Variants in CACNA2D3 observed in about 807,000 individuals in gnomAD.
The protein encoded by CACNA2D3 is calcium voltage-gated channel auxiliary subunit alpha2delta 3.
A neutral mutation model predicts 160.6 loss-of-function variants in CACNA2D3; 60 were observed. The observed-to-expected ratio is 0.37, with a 90% CI of 0.30 to 0.46. The LOEUF (loss-of-function observed/expected upper bound fraction) is 0.46, where lower values mean the gene tolerates loss of function less well. Among genes scored for constraint, CACNA2D3 ranks in the 20% least tolerant of loss-of-function variants. The pLI, the probability that CACNA2D3 is intolerant of heterozygous loss-of-function variation, is 1.00. For missense variants in CACNA2D3, 1,205 were observed against 1,365.0 expected, an observed-to-expected ratio of 0.88 and a Z score of 1.85; for synonymous variants, 558 against 492.9, an observed-to-expected ratio of 1.13 and a Z score of -1.75.
intron 2 of CACNA2D3, among the ~76,000 whole-genome samples, chr3:54,225,382 A>G (rs1291557172): frequency 6.6e-6 from 1 of 152,188 alleles, no homozygotes; most frequent in Non-Finnish European, 1.5e-5. Context: ...GTGTTTTTAA[A>G]AAGTGCTTCC....
intron 5 of CACNA2D3, among the ~76,000 whole-genome samples, chr3:54,518,125 G>A (rs915361016): frequency 6.6e-6 from 1 of 152,166 alleles, no homozygotes; most frequent in African/African-American, 2.4e-5. Context: ...GGCTGGGGAT[G>A]GGGGTGGAAT....
intron 31 of CACNA2D3, among the ~76,000 whole-genome samples, chr3:54,991,018 A>C (rs752513614): frequency 6.6e-6 from 1 of 152,098 alleles, no homozygotes; most frequent in East Asian, 1.9e-4. Flanking sequence ...TCACAGACCA[A>C]TAGGTTCAGC....
chr3:54,887,438 CAA>C (rs1559617630), intron 23 of CACNA2D3, among the ~76,000 whole-genome samples: 1 of 151,762 alleles, frequency 6.6e-6, no homozygotes, highest in African/African-American at 2.4e-5. Flanking sequence ...AAAAAATAAA[CAA>C]ATAAATAAAA....
intron 13 of CACNA2D3, among the ~76,000 whole-genome samples, chr3:54,804,014 T>C (rs963939015): frequency 6.6e-6 from 1 of 151,990 alleles, no homozygotes; most frequent in Non-Finnish European, 1.5e-5. Context: ...CTGAGAGATT[T>C]TGTCACCACC....
intron 2 of CACNA2D3, among the ~76,000 whole-genome samples, chr3:54,212,204 A>T (rs1352992514): frequency 2.0e-5 from 3 of 152,206 alleles, no homozygotes; most frequent in Admixed American, 6.5e-5. Context: ...TCCTGATGAC[A>T]TATGCCCAAG....
chr3:55,007,038 C>T (rs1703111550), intron 32 of CACNA2D3, among the ~76,000 whole-genome samples: 1 of 152,162 alleles, frequency 6.6e-6, no homozygotes, highest in African/African-American at 2.4e-5. Flanking sequence ...ACATAACTGG[C>T]ATAGCTAGGT....
chr3:55,026,609 C>T (rs1183623927), intron 35 of CACNA2D3, among the ~76,000 whole-genome samples: 1 of 152,178 alleles, frequency 6.6e-6, no homozygotes, highest in South Asian at 2.1e-4. Context: ...TGGGTATGCA[C>T]ACCCGGGCAG....
chr3:54,701,429 C>T (rs1279120492), intron 11 of CACNA2D3, among the ~76,000 whole-genome samples: 2 of 152,168 alleles, frequency 1.3e-5, no homozygotes, highest in African/African-American at 4.8e-5. Context: ...ATATATCTAG[C>T]TCCTGTTCAC....
At chr3:54,146,323 C>G (rs1396972190) in intron 2 of CACNA2D3, among the ~76,000 whole-genome samples, 1 of 152,240 alleles carries the variant, frequency 6.6e-6, no homozygotes, top group Non-Finnish European at 1.5e-5. Context: ...ACCTTGGCCT[C>G]TAGTTCCCGA....
intron 11 of CACNA2D3, among the ~76,000 whole-genome samples, chr3:54,687,121 C>CTTTTTCTTTTTCTTTTTTTTTTTTT: frequency 1.7e-4 from 16 of 94,922 alleles, no homozygotes; most frequent in South Asian, 4.3e-4. Context: ...TTTTCTTTTT[C>CTTTTTCTTTTTCTTTTTTTTTTTTT]TTTTTTTTTT....
intron 27 of CACNA2D3, among the ~76,000 whole-genome samples, chr3:54,916,757 T>G (rs940748798): frequency 6.6e-6 from 1 of 152,200 alleles, no homozygotes; most frequent in African/African-American, 2.4e-5. Context: ...GAACCTTCCA[T>G]TCACATTTCA....
At chr3:54,766,470 C>T (rs1359857044) in intron 13 of CACNA2D3, among the ~76,000 whole-genome samples, 1 of 152,168 alleles carries the variant, frequency 6.6e-6, no homozygotes, top group African/African-American at 2.4e-5. Context: ...ACCTTGCACT[C>T]TGTTGGTGAG....
At chr3:54,425,595 C>T (rs1005158856) in intron 4 of CACNA2D3, among the ~76,000 whole-genome samples, 1 of 152,236 alleles carries the variant, frequency 6.6e-6, no homozygotes, top group Non-Finnish European at 1.5e-5. Context: ...ACCTGAACAC[C>T]TGAGGATACC....
At chr3:54,826,287 G>T (rs997593217) in intron 14 of CACNA2D3, among the ~76,000 whole-genome samples, 1 of 152,126 alleles carries the variant, frequency 6.6e-6, no homozygotes, top group South Asian at 2.1e-4. Flanking sequence ...TGCGCTGCCA[G>T]ACATCTCATG....
chr3:54,573,544 T>C (rs2106725674), intron 8 of CACNA2D3, among the ~76,000 whole-genome samples: 1 of 152,370 alleles, frequency 6.6e-6, no homozygotes, highest in East Asian at 1.9e-4. Flanking sequence ...AACAGAGCAT[T>C]CCATCACATT....
intron 31 of CACNA2D3, among the ~76,000 whole-genome samples, chr3:54,997,970 T>C (rs551298594): frequency 2.0e-5 from 3 of 152,326 alleles, no homozygotes; most frequent in African/African-American, 7.2e-5. Flanking sequence ...AGCTTTAAAC[T>C]ATGAGACCTG....
intron 2 of CACNA2D3, among the ~76,000 whole-genome samples, chr3:54,262,234 C>T (rs1369704829): frequency 6.6e-6 from 1 of 152,108 alleles, no homozygotes; most frequent in Non-Finnish European, 1.5e-5. Flanking sequence ...TATCATATCA[C>T]AAACTCAGGC....
At chr3:54,812,819 T>A (rs375203367) in intron 13 of CACNA2D3, among the ~76,000 whole-genome samples, 1 of 152,216 alleles carries the variant, frequency 6.6e-6, no homozygotes, top group Non-Finnish European at 1.5e-5. Context: ...GGTGAGATAC[T>A]TAACCATTCT....
chr3:54,809,307 C>CTTTTTTTTTTTTTT (rs1417063441), intron 13 of CACNA2D3, among the ~76,000 whole-genome samples: 46 of 86,230 alleles, frequency 5.3e-4, no homozygotes, highest in Admixed American at 8.9e-4. Flanking sequence ...TTCCTTCCTT[C>CTTTTTTTTTTTTTT]TTTCTTTTTT....
Sources: allele counts gnomAD v4.1 joint callset (sites outside exome capture counted in the v4.1 genomes callset), GRCh38; gene constraint gnomAD v4.1.1; transcripts MANE v1.5; gene names NCBI Gene and HGNC (gene_info 2026-07-23, HGNC 2026-07-21).